Variants in NPAS1 observed in about 807,000 individuals in gnomAD.
NPAS1 encodes neuronal PAS domain protein 1.
Under a neutral mutation model 49.2 loss-of-function variants are expected in NPAS1, and 29 were observed. The observed-to-expected ratio is 0.59, with a 90% CI of 0.44 to 0.80. The LOEUF (loss-of-function observed/expected upper bound fraction) is 0.80. NPAS1 is among the 30% of genes least tolerant of loss of function. The pLI, the probability that NPAS1 is intolerant of heterozygous loss-of-function variation, is 0.00. For synonymous variants in NPAS1, 408 were observed against 380.4 expected (o/e 1.07, Z -0.84); for missense variants, 825 against 835.5 (o/e 0.99, Z 0.15).
In NPAS1 at chr19:47,021,539, G is replaced by A. The variant is rs2056841082; in HGVS notation, c.123-73G>A. 2.8e-6 allele frequency: 3 copies of A among 1,057,060 alleles called. No individual in the cohort carries two copies. Among genetic ancestry groups the A allele is most frequent in the Non-Finnish European group, 2.6e-6 (2 of 772,804 alleles). The allele number at this position is 1,057,060 out of a possible 1,614,324, so 65.5% of individuals were successfully genotyped here. A position where few individuals can be genotyped will look rare whatever the true frequency, so the allele number is the denominator to read the frequency against. On this transcript the variant is annotated intron_variant, in intron 2 of 11. Coordinates refer to ENST00000602212, the MANE Select transcript of NPAS1 (RefSeq NM_002517.4). This position sits in a 1 kb window ranked among gnomAD's most constrained non-coding sequence, Gnocchi z 5.7. ...TCCCGTTCCCAAGGCCCCGGGAGGCGGGGCTCGCCCCCAGTTCCCAAGCCC... is the reference window on the plus strand; with the variant it reads ...TCCCGTTCCCAAGGCCCCGGGAGGCAGGGCTCGCCCCCAGTTCCCAAGCCC...
At chr19:47,020,388 C>A (rs2056831174) in intron 1 of NPAS1, among the ~76,000 whole-genome samples, 1 of 151,436 alleles carries the variant, frequency 6.6e-6, no homozygotes, top group East Asian at 2.0e-4. Flanking sequence ...GGGGCTGGGG[C>A]TCGCGCGCCG....
chr19:47,032,856 C>T, intron 5 of NPAS1, 124 bp downstream of exon 5: 2 of 706,914 alleles, frequency 2.8e-6, no homozygotes, highest in South Asian at 1.7e-5. Context: ...TCTCTGTGGT[C>T]CCCAAAGTGT....
At chr19:47,043,533 T>C (rs1017229718) in intron 11 of NPAS1, among the ~76,000 whole-genome samples, 4 of 151,896 alleles carry the variant, frequency 2.6e-5, no homozygotes, top group Admixed American at 6.6e-5. Context: ...GAGGTTGCAG[T>C]GAGCCGAGAT....
chr19:47,021,883 C>T lies in NPAS1; in HGVS notation c.358+36C>T, dbSNP rs1235588133. 1 of 1,337,152 alleles carries T rather than the reference C, an allele frequency of 7.5e-7. No individual in the cohort carries two copies. The highest frequency in any genetic ancestry group is 2.9e-5 in the East Asian group (1 of 34,648). The allele number at this position is 1,337,152 out of a possible 1,614,324, so 82.8% of individuals were successfully genotyped here. On this transcript the variant is annotated intron_variant, in intron 3 of 11. Coordinates refer to ENST00000602212, the MANE Select transcript of NPAS1 (RefSeq NM_002517.4). The surrounding 1 kb of genome is among the most constrained non-coding windows in gnomAD (Gnocchi z 5.7). Reference sequence around the variant, plus strand: ...ATGCGCGGGGCGAGGGTCCCGGGGCCCTCCAGGCGGAGTCACTGCAGCCCA... The same window carrying T: ...ATGCGCGGGGCGAGGGTCCCGGGGCTCTCCAGGCGGAGTCACTGCAGCCCA...
intron 3 of NPAS1, among the ~76,000 whole-genome samples, chr19:47,024,661 T>C (rs956504994): frequency 6.6e-6 from 1 of 152,134 alleles, no homozygotes; most frequent in African/African-American, 2.4e-5. Context: ...ATGTGGTCTG[T>C]AGGTCTACAG....
In NPAS1 at chr19:47,045,447, C is replaced by A; in HGVS notation, c.1569C>A (p.Leu523=). 3 of 1,598,452 alleles carry A rather than the reference C, an allele frequency of 1.9e-6. No homozygotes were observed. The highest frequency in any genetic ancestry group is 2.6e-6 in the Non-Finnish European group (3 of 1,174,166). The stretch of plus-strand genomic sequence containing the variant: ...CTCCCGGGGACCCCCCGCCCACCCT[C>A]CTGCACGCGGGCTTCCTGCCGCCGG... ...LAPPGDPPPT[L]LHAGFLPPVV... Residue 523 remains leucine (L), a synonymous_variant, in exon 12 of 12, where the codon CTC becomes CTA. Coordinates refer to ENST00000602212, the MANE Select transcript of NPAS1 (RefSeq NM_002517.4).
At position 47,025,309 on chromosome 19, in the gene NPAS1, G is replaced by A. The variant is rs558673338; in HGVS notation, c.358+3462G>A. ...TTTATTTATTTATAGACGGAGTTTTGCTCTTGTTGCCCAGGCTGGAGTGCA... is the reference window on the plus strand; with the variant it reads ...TTTATTTATTTATAGACGGAGTTTTACTCTTGTTGCCCAGGCTGGAGTGCA... On this transcript the variant is annotated intron_variant, in intron 3 of 11. Coordinates refer to ENST00000602212, the MANE Select transcript of NPAS1 (RefSeq NM_002517.4). Among the ~76,000 whole-genome samples the A allele has an allele frequency of 6.7e-5, 9 of 134,428 alleles. 2 individuals are homozygous for A. In the South Asian group the frequency reaches 1.6e-3, roughly 24 times the overall value. The allele number at this position is 134,428 out of a possible 152,430, so 88.2% of individuals were successfully genotyped here. A position where few individuals can be genotyped will look rare whatever the true frequency, so the allele number is the denominator to read the frequency against.
intron 3 of NPAS1, among the ~76,000 whole-genome samples, chr19:47,027,333 T>TCTCTCTGCCCCAGGTCCCCCCC (rs747513440): frequency 3.4e-5 from 4 of 118,702 alleles, no homozygotes; most frequent in Non-Finnish European, 7.5e-5. Context: ...TGGATCCCCC[T>TCTCTCTGCCCCAGGTCCCCCCC]CTCTCTGCCC....
In NPAS1 at chr19:47,040,538, A is replaced by T. The variant is rs754984529; in HGVS notation, c.1057A>T (p.Ser353Cys). ...ACAGGACGCCACGAGGATCCGCCAG[A>T]GCCACGTGGACTGTGAGACCCACCT... is the stretch of plus-strand genomic sequence containing the variant. ...HGQDATRIRQ[S>C]HVDLLDKGQV... Residue 353 changes from serine (S) to cysteine (C), a missense_variant, in exon 9 of 12, where the codon AGC becomes TGC. Physicochemically the swap from Ser to Cys is moderately radical, Grantham distance 112 (BLOSUM62 -1). Transcript: ENST00000602212. 1 of 1,585,904 alleles carries T rather than the reference A, an allele frequency of 6.3e-7. No homozygotes were observed. The highest frequency in any genetic ancestry group is 2.3e-5 in the East Asian group (1 of 43,554).
In NPAS1 at chr19:47,045,540, G is replaced by C; in HGVS notation, c.1662G>C (p.Pro554=). Residue 554 remains proline (P), a synonymous_variant, in exon 12 of 12, where the codon CCG becomes CCC. Transcript: ENST00000602212. ...YGPAELGLVY[P]HLQRLGPGPA... is the part of the protein sequence containing the mutation. ...CCGCGGAGCTGGGCCTGGTGTACCC[G>C]CACCTGCAGAGGCTGGGTCCGGGCC... is the stretch of plus-strand genomic sequence containing the variant. The C allele has an allele frequency of 6.5e-7, 1 of 1,527,392 alleles. No homozygotes were observed. Among genetic ancestry groups the C allele is most frequent in the Non-Finnish European group, 8.7e-7 (1 of 1,144,072 alleles). 94.6% of individuals were successfully genotyped at this position (1,527,392 alleles called of 1,614,324 possible). A position where few individuals can be genotyped will look rare whatever the true frequency, so the allele number is the denominator to read the frequency against.
At chr19:47,045,083 TC>T (rs2057061655) in intron 11 of NPAS1, 107 bp from the exon 12 acceptor site, 2 of 1,039,636 alleles carry the variant, frequency 1.9e-6, no homozygotes, top group Non-Finnish European at 2.8e-6. Flanking sequence ...AAAACCCCAC[TC>T]CCAGCTGAGA....
At chr19:47,040,596 C>A in intron 9 of NPAS1, 46 bp downstream of exon 9, 1 of 1,320,660 alleles carries the variant, frequency 7.6e-7, no homozygotes, top group Non-Finnish European at 1.1e-6. Context: ...ACCCCCCAGA[C>A]CCGAGCATCC....
At chr19:47,038,878 T>C (rs2056988818) in intron 6 of NPAS1, among the ~76,000 whole-genome samples, 158 bp from the exon 7 acceptor site, 2 of 151,896 alleles carry the variant, frequency 1.3e-5, no homozygotes, top group Non-Finnish European at 2.9e-5. Context: ...GCCCACATAC[T>C]GTCCCCATGA....
At chr19:47,038,803 A>G (rs539360756) in intron 6 of NPAS1, among the ~76,000 whole-genome samples, 1 of 152,168 alleles carries the variant, frequency 6.6e-6, no homozygotes, top group Non-Finnish European at 1.5e-5. Flanking sequence ...TCCAGCCTGG[A>G]CAACAGAGTG....
chr19:47,020,572 AC>A (rs1319174214), intron 1 of NPAS1, among the ~76,000 whole-genome samples: 1 of 146,872 alleles, frequency 6.8e-6, no homozygotes, highest in East Asian at 2.1e-4. Context: ...GGAGTCAGAC[AC>A]CGGGGATGGG....
chr19:47,041,979 CAAAAAAAAAAAAAAAAA>C (rs369320245), intron 10 of NPAS1, among the ~76,000 whole-genome samples: 12 of 96,132 alleles, frequency 1.2e-4, no homozygotes, highest in Admixed American at 2.4e-4. Flanking sequence ...GACCCTGTCT[CAAAAAAAAAAAAAAAAA>C]AAAAAAAAAA....
rs770671352 is a variant in NPAS1, at chr19:47,042,911, C to T, written c.1312+7C>T. The T allele has an allele frequency of 6.4e-6, 10 of 1,570,820 alleles. No individual in the cohort carries two copies. Among genetic ancestry groups the T allele is most frequent in the Admixed American group, 3.7e-5 (2 of 53,470 alleles). On this transcript the variant is annotated splice_region_variant and intron_variant, in intron 11 of 11. Coordinates refer to ENST00000602212, the MANE Select transcript of NPAS1 (RefSeq NM_002517.4). ...CCGGGGCCAGAGCCCACAGGTGAGC[C>T]CCACCTCCCACCTTGGCCCCTGGGA...
intron 3 of NPAS1, among the ~76,000 whole-genome samples, chr19:47,027,201 A>G (rs1353724634): frequency 6.6e-6 from 1 of 152,154 alleles, no homozygotes; most frequent in Admixed American, 6.5e-5. Flanking sequence ...CTGGGTGATG[A>G]AGCCCCAGCC....
chr19:47,042,925 TG>T, intron 11 of NPAS1, 21 bp downstream of exon 11: 1 of 1,539,626 alleles, frequency 6.5e-7, no homozygotes, highest in South Asian at 1.2e-5. Context: ...CCTCCCACCT[TG>T]GCCCCTGGGA....
Sources: gnomAD v4.1 joint callset for allele counts (sites outside exome capture counted in the v4.1 genomes callset) on GRCh38, gnomAD v4.1.1 for gene constraint, Gnocchi (gnomAD v3.1) non-coding constraint, MANE v1.5 for transcripts, NCBI Gene and HGNC (gene_info 2026-07-23, HGNC 2026-07-21) for gene names.